Variants in RGS7 observed in about 807,000 individuals in gnomAD.
The protein encoded by RGS7 is regulator of G-protein signaling 7.
A neutral mutation model predicts 81.1 loss-of-function variants in RGS7; 27 were observed. The observed-to-expected ratio is 0.33, with a 90% CI of 0.25 to 0.46. The LOEUF is 0.46. Among genes scored for constraint, RGS7 ranks in the 20% least tolerant of loss-of-function variants. RGS7 has a pLI of 1.00. For missense variants in RGS7, 396 were observed against 607.4 expected, an observed-to-expected ratio of 0.65 and a Z score of 3.66; for synonymous variants, 208 against 207.7, an observed-to-expected ratio of 1.00 and a Z score of -0.01.
intron 2 of RGS7, among the ~76,000 whole-genome samples, chr1:241,319,920 G>A (rs914595646): frequency 5.3e-5 from 8 of 151,856 alleles, no homozygotes; most frequent in Non-Finnish European, 1.0e-4. Flanking sequence ...ATGAAACCCC[G>A]TCTCTACTAA....
intron 2 of RGS7, among the ~76,000 whole-genome samples, chr1:241,130,792 G>C (rs1359762777): frequency 1.3e-5 from 2 of 149,398 alleles, no homozygotes; most frequent in African/African-American, 5.1e-5. Context: ...TTGGTGTTTG[G>C]TTTCTTTTTT....
intron 4 of RGS7, among the ~76,000 whole-genome samples, chr1:240,972,658 G>T (rs1235751468): frequency 7.2e-6 from 1 of 139,306 alleles, no homozygotes; most frequent in African/African-American, 2.7e-5. Context: ...TAACTAACCT[G>T]CACAATGTGC....
chr1:241,227,901 T>A (rs548265435), intron 2 of RGS7, among the ~76,000 whole-genome samples: 1 of 152,280 alleles, frequency 6.6e-6, no homozygotes, highest in South Asian at 2.1e-4. Context: ...ATCTTTCTCA[T>A]CCCACCGGCC....
chr1:240,848,658 A>C (rs1307583523), intron 9 of RGS7, among the ~76,000 whole-genome samples: 3 of 151,502 alleles, frequency 2.0e-5, no homozygotes, highest in African/African-American at 7.3e-5. Context: ...AAAGAAACCT[A>C]ACAAGAAATG....
intron 3 of RGS7, among the ~76,000 whole-genome samples, chr1:241,051,411 C>T (rs755985328): frequency 6.6e-6 from 1 of 152,124 alleles, no homozygotes; most frequent in African/African-American, 2.4e-5. Context: ...AAATGAATTA[C>T]ACTCTGTAGT....
chr1:241,238,282 G>T (rs1229070629), intron 2 of RGS7, among the ~76,000 whole-genome samples: 6 of 152,102 alleles, frequency 3.9e-5, no homozygotes, highest in African/African-American at 1.4e-4. Context: ...GAAATAAAAG[G>T]AAGTAATAGT....
chr1:241,047,295 G>A (rs2060986441), intron 3 of RGS7, among the ~76,000 whole-genome samples: 1 of 152,114 alleles, frequency 6.6e-6, no homozygotes, highest in Non-Finnish European at 1.5e-5. Context: ...TTTCCCCACA[G>A]CCTTGCTGAA....
intron 2 of RGS7, among the ~76,000 whole-genome samples, chr1:241,310,364 A>AGT (rs371574220): frequency 0.059 from 8,856 of 150,808 alleles, 352 homozygotes; most frequent in Non-Finnish European, 0.083. Flanking sequence ...AAGGTGTGAG[A>AGT]GTGTGTGTGT....
chr1:241,110,044 T>C (rs2065405139), intron 2 of RGS7, among the ~76,000 whole-genome samples: 1 of 152,198 alleles, frequency 6.6e-6, no homozygotes, highest in African/African-American at 2.4e-5. Flanking sequence ...CAAATGTCTG[T>C]TGTAACACAT....
intron 6 of RGS7, among the ~76,000 whole-genome samples, chr1:240,929,144 A>T (rs986607446): frequency 5.3e-5 from 8 of 152,180 alleles, no homozygotes; most frequent in African/African-American, 1.7e-4. Flanking sequence ...CACAGTTGGT[A>T]TGTGGTTATG....
intron 3 of RGS7, among the ~76,000 whole-genome samples, chr1:241,036,208 T>A (rs945486868): frequency 6.6e-6 from 1 of 152,148 alleles, no homozygotes; most frequent in African/African-American, 2.4e-5. Flanking sequence ...CATGTCAAAC[T>A]ATGTCTTTAA....
At chr1:241,228,021 G>A (rs1313089930) in intron 2 of RGS7, among the ~76,000 whole-genome samples, 2 of 152,156 alleles carry the variant, frequency 1.3e-5, no homozygotes, top group African/African-American at 4.8e-5. Context: ...AGGAGGTGGT[G>A]GTGAAAGTGA....
chr1:241,057,649 C>T (rs1270006787), intron 3 of RGS7, among the ~76,000 whole-genome samples: 4 of 152,068 alleles, frequency 2.6e-5, no homozygotes, highest in Admixed American at 6.6e-5. Flanking sequence ...CATGGTGGCT[C>T]ATGTCTGTAA....
intron 3 of RGS7, among the ~76,000 whole-genome samples, chr1:241,060,606 G>C (rs1213234337): frequency 6.6e-6 from 1 of 152,066 alleles, no homozygotes; most frequent in Non-Finnish European, 1.5e-5. Flanking sequence ...TTCTACCAGG[G>C]TTTAGTTAAC....
At chr1:241,028,790 C>T (rs868790622) in intron 3 of RGS7, among the ~76,000 whole-genome samples, 2 of 152,170 alleles carry the variant, frequency 1.3e-5, no homozygotes, top group Middle Eastern at 3.4e-3. Context: ...GAGAGGATCA[C>T]CATCTGGGTA....
chr1:241,292,150 C>G (rs972713894), intron 2 of RGS7, among the ~76,000 whole-genome samples: 7 of 152,094 alleles, frequency 4.6e-5, no homozygotes, highest in Non-Finnish European at 8.8e-5. Flanking sequence ...GACAACAATA[C>G]CTTCTTCTGG....
intron 6 of RGS7, among the ~76,000 whole-genome samples, chr1:240,883,341 A>G (rs988079343): frequency 6.6e-6 from 1 of 152,088 alleles, no homozygotes; most frequent in Non-Finnish European, 1.5e-5. Flanking sequence ...AATAATAAAA[A>G]TTTTTTAAAA....
chr1:241,283,837 G>T (rs1170291041), intron 2 of RGS7, among the ~76,000 whole-genome samples: 2 of 152,028 alleles, frequency 1.3e-5, no homozygotes, highest in South Asian at 4.1e-4. Flanking sequence ...TTTTCAGATT[G>T]GGTAACTTCT....
intron 3 of RGS7, among the ~76,000 whole-genome samples, chr1:241,061,698 T>A (rs1024112352): frequency 3.3e-5 from 5 of 152,032 alleles, no homozygotes; most frequent in African/African-American, 1.2e-4. Context: ...CTGAGCTAAG[T>A]CTAAAGGGGC....
Sources: gnomAD v4.1 joint callset for allele counts (sites outside exome capture counted in the v4.1 genomes callset) on GRCh38, gnomAD v4.1.1 for gene constraint, MANE v1.5 for transcripts, NCBI Gene and HGNC (gene_info 2026-07-23, HGNC 2026-07-21) for gene names.